Variants in SLC16A14 observed in about 807,000 individuals in gnomAD.
SLC16A14 encodes solute carrier family 16 member 14, also known as monocarboxylate transporter 14.
SLC16A14 carries 14 observed loss-of-function variants against 35.8 expected under a neutral mutation model. The ratio of observed to expected loss-of-function variants is 0.39; its 90% CI spans 0.26 to 0.61. The LOEUF is 0.61. SLC16A14 is among the 20% of genes least tolerant of loss of function. The pLI is 0.51. For missense variants in SLC16A14, 533 were observed against 655.0 expected, an observed-to-expected ratio of 0.81 and a Z score of 2.03; for synonymous variants, 248 against 258.9, an observed-to-expected ratio of 0.96 and a Z score of 0.40.
rs2077522870 is a variant in SLC16A14 at position 230,036,839 on chromosome 2, G to A, written c.*541C>T. ...AAATACAAGCCGTGTTTCTTTAATTGCACTAAATTGTATTACCTGTGGAAT... is the reference window on the plus strand; with the variant it reads ...AAATACAAGCCGTGTTTCTTTAATTACACTAAATTGTATTACCTGTGGAAT... On this transcript the variant is annotated 3_prime_UTR_variant, in exon 5 of 5. Coordinates refer to ENST00000295190, the MANE Select transcript of SLC16A14 (RefSeq NM_152527.5). 6.6e-6 allele frequency: 1 copy of A among 152,154 alleles called. No homozygotes were observed. Among genetic ancestry groups the A allele is most frequent in the Non-Finnish European group, 1.5e-5 (1 of 68,044 alleles). 9.4% of individuals were successfully genotyped at this position (152,154 alleles called of 1,614,324 possible).
At chr2:230,039,869 C>G (rs1347135180) in intron 4 of SLC16A14, among the ~76,000 whole-genome samples, 1 of 152,142 alleles carries the variant, frequency 6.6e-6, no homozygotes, top group Non-Finnish European at 1.5e-5. Flanking sequence ...CAAAATCCTA[C>G]CTGGCTGGAA....
At position 230,066,203 on chromosome 2, in the gene SLC16A14, C is replaced by G. The variant is rs371333985; in HGVS notation, c.-15+2352G>C. Among the ~76,000 whole-genome samples, 12 of 152,090 alleles carry G rather than the reference C, an allele frequency of 7.9e-5. No individual in the cohort carries two copies. The South Asian group carries it at 1.2e-3, about 16-fold the overall frequency. On this transcript the variant is annotated intron_variant, in intron 1 of 4. Coordinates refer to ENST00000295190, the MANE Select transcript of SLC16A14 (RefSeq NM_152527.5). Reference sequence around the variant, plus strand: ...CCTATACTCACAGCTATGCAGGAGGCTGAGGCAGCAGAATTGCTTGAACCT... The same window carrying G: ...CCTATACTCACAGCTATGCAGGAGGGTGAGGCAGCAGAATTGCTTGAACCT...
intron 4 of SLC16A14, among the ~76,000 whole-genome samples, chr2:230,040,502 G>A (rs893315244): frequency 3.3e-5 from 5 of 152,116 alleles, no homozygotes; most frequent in East Asian, 1.9e-4. Flanking sequence ...GATTACAGGC[G>A]TGAGCCACTG....
At position 230,036,875 on chromosome 2, in the gene SLC16A14, CTTTG is replaced by C. The variant is rs1260803767; in HGVS notation, c.*501_*504del. 2 of 152,246 alleles carry C rather than the reference CTTTG, an allele frequency of 1.3e-5. No homozygotes were observed. Among genetic ancestry groups the C allele is most frequent in the Admixed American group, 6.5e-5 (1 of 15,288 alleles). 9.4% of individuals were successfully genotyped at this position (152,246 alleles called of 1,614,324 possible). On this transcript the variant is annotated 3_prime_UTR_variant, in exon 5 of 5. Coordinates refer to ENST00000295190, the MANE Select transcript of SLC16A14 (RefSeq NM_152527.5). ...TATTACCTGTGGAATTAGAGCTTGCCTTTGTTTGATGCTAGTAGATCAATAGCTC... is the reference window on the plus strand; with the variant it reads ...TATTACCTGTGGAATTAGAGCTTGCCTTTGATGCTAGTAGATCAATAGCTC...
In SLC16A14 at chr2:230,046,480, T is replaced by C. The variant is rs753870705; in HGVS notation, c.646A>G (p.Lys216Glu). The change falls in exon 4 of 5, where the codon AAA becomes GAA. Residue 216 changes from lysine (K) to glutamate (E), a missense_variant. Transcript: ENST00000295190. The surrounding 1 kb of genome is among the most constrained non-coding windows in gnomAD (Gnocchi z 5.0). ...GALMRPLSPG[K>E]NPNDPGEKDV... The stretch of plus-strand genomic sequence containing the variant: ...TTCTCTCCTGGGTCGTTTGGGTTTT[T>C]ACCAGGAGAGAGGGGCCTCATGAGC... The C allele has an allele frequency of 3.1e-6, 5 of 1,614,198 alleles. No homozygotes were observed. In the East Asian group the frequency reaches 1.1e-4, roughly 36 times the overall value.
In SLC16A14 at chr2:230,051,052, C is replaced by T. The variant is rs569897672; in HGVS notation, c.260-1148G>A. ...CCAGACCTATCAGGCTATGGAGATT[C>T]GGGAATCCATTTCCATTGTGTAAAA... On this transcript the variant is annotated intron_variant, in intron 2 of 4. Coordinates refer to ENST00000295190, the MANE Select transcript of SLC16A14 (RefSeq NM_152527.5). 1.6e-4 allele frequency among the ~76,000 whole-genome samples: 24 copies of T among 152,322 alleles called. No individual in the cohort carries two copies. The South Asian group carries it at 1.9e-3, about 12-fold the overall frequency.
intron 1 of SLC16A14, among the ~76,000 whole-genome samples, chr2:230,060,692 G>A (rs184480973): frequency 3.9e-5 from 5 of 126,724 alleles, no homozygotes; most frequent in African/African-American, 1.5e-4. Context: ...TTTTTGGGGG[G>A]AGGGGATGAG....
chr2:230,059,101 C>A lies in SLC16A14; in HGVS notation c.252G>T (p.Leu84Phe). 6.2e-7 allele frequency: 1 copy of A among 1,609,724 alleles called. No homozygotes were observed. The change falls in exon 2 of 5, where the codon TTG (leucine) becomes TTT (phenylalanine). Residue 84 changes from leucine (L) to phenylalanine (F), a missense_variant. Transcript: ENST00000295190. ...WVSSLSMGIT[L>F]IVGPFIGLFI... ...GGTCACACATGAACATACCCACTATCAAGGTGATGCCCATGCTGAGGGAGC... is the reference window on the plus strand; with the variant it reads ...GGTCACACATGAACATACCCACTATAAAGGTGATGCCCATGCTGAGGGAGC...
chr2:230,045,943 T>C lies in SLC16A14; in HGVS notation c.1183A>G (p.Ser395Gly). 4 of 1,612,722 alleles carry C rather than the reference T, an allele frequency of 2.5e-6. No individual in the cohort carries two copies. Among genetic ancestry groups the C allele is most frequent in the Non-Finnish European group, 2.5e-6 (3 of 1,178,780 alleles). ...FLLANFTLVL[S>G]IFILPLMHTY... ...TGCATCAACGGCAGAATAAAAATAC[T>C]GAGGACAAGGGTGAAGTTGGCCAAC... The change falls in exon 4 of 5, where the codon AGT becomes GGT. Residue 395 changes from serine (S) to glycine (G), a missense_variant. Ser to Gly is a moderately conservative substitution (Grantham distance 56). Coordinates refer to ENST00000295190, the MANE Select transcript of SLC16A14 (RefSeq NM_152527.5).
rs1377478780 is a variant in SLC16A14, at chr2:230,068,537, G to T, written c.-15+18C>A. On this transcript the variant is annotated intron_variant, in intron 1 of 4. Transcript: ENST00000295190. This position sits in a 1 kb window ranked among gnomAD's most constrained non-coding sequence, Gnocchi z 5.1. ...TCCATTCCCCAGGCCCGCGGCGCGCGCGGCCTCGGATACTCACCGCCCGAG... is the reference window on the plus strand; with the variant it reads ...TCCATTCCCCAGGCCCGCGGCGCGCTCGGCCTCGGATACTCACCGCCCGAG... 1 of 152,704 alleles carries T rather than the reference G, an allele frequency of 6.5e-6. No individual in the cohort carries two copies. The highest frequency in any genetic ancestry group is 1.5e-5 in the Non-Finnish European group (1 of 68,122). The allele number at this position is 152,704 out of a possible 1,614,324, so 9.5% of individuals were successfully genotyped here.
At chr2:230,057,976 C>G (rs1227842684) in intron 2 of SLC16A14, among the ~76,000 whole-genome samples, 2 of 151,914 alleles carry the variant, frequency 1.3e-5, no homozygotes, top group Admixed American at 6.6e-5. Context: ...TTGCAGTGAG[C>G]CCAGATTGTG....
chr2:230,048,286 A>G (rs1313855868), intron 3 of SLC16A14, among the ~76,000 whole-genome samples: 2 of 152,256 alleles, frequency 1.3e-5, no homozygotes, highest in African/African-American at 4.8e-5. Context: ...AGGTAATAAT[A>G]ATGAAAAAAG....
chr2:230,039,770 G>T (rs2106240819), intron 4 of SLC16A14, among the ~76,000 whole-genome samples: 1 of 152,324 alleles, frequency 6.6e-6, no homozygotes, highest in Middle Eastern at 3.4e-3. Flanking sequence ...AATGATGGCT[G>T]TAACTAACAA....
chr2:230,043,187 C>T (rs2077574128), intron 4 of SLC16A14, among the ~76,000 whole-genome samples: 2 of 152,192 alleles, frequency 1.3e-5, no homozygotes. Flanking sequence ...CATTTCTGTG[C>T]ACAGGCAGAC....
intron 1 of SLC16A14, among the ~76,000 whole-genome samples, chr2:230,064,737 G>A (rs748680118): frequency 3.3e-5 from 5 of 152,168 alleles, no homozygotes; most frequent in Admixed American, 1.3e-4. Context: ...TAGGCCGGGC[G>A]TGGTGGCTTA....
At chr2:230,045,466 A>G (rs1279810158) in intron 4 of SLC16A14, among the ~76,000 whole-genome samples, 2 of 152,198 alleles carry the variant, frequency 1.3e-5, no homozygotes, top group African/African-American at 4.8e-5. Flanking sequence ...AGGCTAAGGC[A>G]GGAGAATCAC....
chr2:230,063,268 G>A (rs2077765331), intron 1 of SLC16A14, among the ~76,000 whole-genome samples: 1 of 134,718 alleles, frequency 7.4e-6, no homozygotes, highest in Non-Finnish European at 1.5e-5. Context: ...TCCAGCCTGG[G>A]TTAAAGAGCG....
chr2:230,064,580 A>G (rs1323727026), intron 1 of SLC16A14, among the ~76,000 whole-genome samples: 1 of 152,248 alleles, frequency 6.6e-6, no homozygotes, highest in Non-Finnish European at 1.5e-5. Context: ...AGGTGTGAAT[A>G]GCTCATAAAA....
intron 3 of SLC16A14, among the ~76,000 whole-genome samples, chr2:230,049,374 CT>C (rs1042732209): frequency 3.9e-5 from 6 of 152,134 alleles, no homozygotes; most frequent in East Asian, 1.9e-4. Context: ...GCTACTGCCC[CT>C]GGCCTATTAT....
Sources: gnomAD v4.1 joint callset for allele counts (sites outside exome capture counted in the v4.1 genomes callset) on GRCh38, gnomAD v4.1.1 for gene constraint, Gnocchi (gnomAD v3.1) non-coding constraint, MANE v1.5 for transcripts, NCBI Gene and HGNC (gene_info 2026-07-23, HGNC 2026-07-21) for gene names.